EPHA5: variants seen among roughly 807,000 people sequenced by gnomAD.
EPHA5 encodes the protein ephrin type-A receptor 5.
A neutral mutation model predicts 105.0 loss-of-function variants in EPHA5; 60 were observed. The observed-to-expected ratio is 0.57, with a 90% CI of 0.46 to 0.71. EPHA5 has a LOEUF of 0.71. Among genes scored for constraint, EPHA5 ranks in the 30% least tolerant of loss-of-function variants. The pLI is 0.00. For synonymous variants in EPHA5, 513 were observed against 449.1 expected (o/e 1.14, Z -1.80); for missense variants, 1,218 against 1,274.7 (o/e 0.96, Z 0.68).
intron 6 of EPHA5, among the ~76,000 whole-genome samples, chr4:65,415,429 T>A: frequency 6.6e-6 from 1 of 152,192 alleles, no homozygotes; most frequent in East Asian, 1.9e-4. Context: ...TTATATGTAA[T>A]GTCAAAGTTA....
chr4:65,406,042 G>A (rs920619357), intron 7 of EPHA5, among the ~76,000 whole-genome samples: 2 of 151,914 alleles, frequency 1.3e-5, no homozygotes, highest in Admixed American at 6.6e-5. Flanking sequence ...AATCATCCCC[G>A]TAATGAGACG....
intron 7 of EPHA5, among the ~76,000 whole-genome samples, chr4:65,411,658 AT>A (rs1235416502): frequency 6.6e-6 from 1 of 152,192 alleles, no homozygotes; most frequent in African/African-American, 2.4e-5. Context: ...GAAATAATAA[AT>A]GTACATAAAG....
At chr4:65,600,202 A>G (rs1003539941) in intron 3 of EPHA5, among the ~76,000 whole-genome samples, 8 of 152,180 alleles carry the variant, frequency 5.3e-5, no homozygotes, top group African/African-American at 1.7e-4. Context: ...CCTTAAACCA[A>G]TAAGATTGCT....
At chr4:65,584,997 G>C (rs1206107871) in intron 3 of EPHA5, among the ~76,000 whole-genome samples, 1 of 151,822 alleles carries the variant, frequency 6.6e-6, no homozygotes, top group Non-Finnish European at 1.5e-5. Context: ...TAAGAGCAGA[G>C]AGACCCTGGA....
intron 5 of EPHA5, among the ~76,000 whole-genome samples, chr4:65,482,116 G>A (rs914839670): frequency 2.6e-5 from 4 of 151,952 alleles, no homozygotes; most frequent in African/African-American, 7.2e-5. Flanking sequence ...TGGCCAACAC[G>A]GGGAAATCAT....
At chr4:65,476,141 T>A (rs1299783205) in intron 5 of EPHA5, among the ~76,000 whole-genome samples, 1 of 151,440 alleles carries the variant, frequency 6.6e-6, no homozygotes, top group African/African-American at 2.4e-5. Flanking sequence ...TGTGTGTGTG[T>A]GTGTGTGTGT....
At chr4:65,534,019 C>G (rs1334482343) in intron 3 of EPHA5, among the ~76,000 whole-genome samples, 1 of 152,024 alleles carries the variant, frequency 6.6e-6, no homozygotes, top group Non-Finnish European at 1.5e-5. Flanking sequence ...TGATCAGATA[C>G]TCTGCATTAC....
chr4:65,644,773 G>A, intron 1 of EPHA5, among the ~76,000 whole-genome samples: 1 of 151,864 alleles, frequency 6.6e-6, no homozygotes, highest in Middle Eastern at 3.4e-3. Flanking sequence ...CACATTGAAA[G>A]TATATAATAA....
chr4:65,652,385 T>C (rs1265386765), intron 1 of EPHA5, among the ~76,000 whole-genome samples: 1 of 152,186 alleles, frequency 6.6e-6, no homozygotes, highest in East Asian at 1.9e-4. Context: ...GAAACTAAAA[T>C]TATATGTTTC....
At chr4:65,485,094 A>T (rs1730757336) in intron 5 of EPHA5, among the ~76,000 whole-genome samples, 1 of 151,744 alleles carries the variant, frequency 6.6e-6, no homozygotes, top group African/African-American at 2.4e-5. Context: ...ATTTTATAAG[A>T]TTAATAGCTT....
intron 3 of EPHA5, among the ~76,000 whole-genome samples, chr4:65,565,014 T>G (rs1739387427): frequency 2.0e-5 from 3 of 151,700 alleles, no homozygotes. Flanking sequence ...TATTAATAAA[T>G]ATTATACAGT....
chr4:65,476,277 T>C (rs533953760), intron 5 of EPHA5, among the ~76,000 whole-genome samples: 126 of 152,134 alleles, frequency 8.3e-4, no homozygotes, highest in Admixed American at 1.4e-3. Flanking sequence ...CCACTAAAGA[T>C]TGAAAATACT....
chr4:65,616,660 C>T (rs1745268333), intron 2 of EPHA5, among the ~76,000 whole-genome samples: 1 of 151,936 alleles, frequency 6.6e-6, no homozygotes, highest in South Asian at 2.1e-4. Context: ...AACAGTCATT[C>T]CGAGGCAGAC....
chr4:65,418,098 T>G (rs4860662), intron 6 of EPHA5, among the ~76,000 whole-genome samples: 15,125 of 152,158 alleles, frequency 0.099, 975 homozygotes, highest in Middle Eastern at 0.23. Context: ...AATATACAGT[T>G]TTTGGTGACT....
intron 9 of EPHA5, 93 bp from the exon 10 acceptor site, chr4:65,366,150 T>G (rs1717890774): frequency 1.9e-5 from 23 of 1,213,232 alleles, no homozygotes; most frequent in African/African-American, 3.0e-5. Flanking sequence ...CTTAAATCTC[T>G]AATTCCTGGA....
chr4:65,483,839 GC>G (rs1223276061), intron 5 of EPHA5, among the ~76,000 whole-genome samples: 6 of 151,998 alleles, frequency 3.9e-5, no homozygotes, highest in Non-Finnish European at 8.8e-5. Context: ...TCTAGTAATG[GC>G]CAAACTAAAG....
intron 1 of EPHA5, among the ~76,000 whole-genome samples, chr4:65,657,003 T>C (rs1749136658): frequency 6.6e-6 from 1 of 151,784 alleles, no homozygotes; most frequent in Non-Finnish European, 1.5e-5. Flanking sequence ...AACCAGATGC[T>C]GACCAAACTG....
chr4:65,633,571 A>T (rs1746843013), intron 2 of EPHA5, among the ~76,000 whole-genome samples: 1 of 151,942 alleles, frequency 6.6e-6, no homozygotes, highest in Admixed American at 6.6e-5. Flanking sequence ...TTTTTTTTCA[A>T]AAGAAAAATA....
chr4:65,502,364 C>T (rs1339988933), intron 3 of EPHA5, among the ~76,000 whole-genome samples: 1 of 151,240 alleles, frequency 6.6e-6, no homozygotes, highest in Non-Finnish European at 1.5e-5. Context: ...TGACAAAGAT[C>T]TAATATCCAG....
Sources: gnomAD v4.1 joint callset for allele counts (sites outside exome capture counted in the v4.1 genomes callset) on GRCh38, gnomAD v4.1.1 for gene constraint, MANE v1.5 for transcripts, NCBI Gene and HGNC (gene_info 2026-07-23, HGNC 2026-07-21) for gene names.